The following SRF variants were observed in gnomAD, a reference collection of about 807,000 sequenced individuals.
The protein encoded by SRF is serum response factor, also known as c-fos serum response element-binding transcription factor.
A neutral mutation model predicts 37.1 loss-of-function variants in SRF; 7 were observed. That is an observed-to-expected ratio of 0.19 (90% CI 0.11 to 0.35). The LOEUF is 0.35. SRF is among the 10% of genes least tolerant of loss of function. The probability of loss-of-function intolerance (pLI) is 1.00; values close to 1 mark genes in which losing one functional copy is unlikely to be tolerated. For synonymous variants in SRF, 285 were observed against 310.1 expected, an observed-to-expected ratio of 0.92 and a Z score of 0.85; for missense variants, 395 against 694.4, an observed-to-expected ratio of 0.57 and a Z score of 4.85.
Position 43,179,162 on chromosome 6 carries a change from A to C in SRF, c.1499A>C (p.Asp500Ala). ...NLTELQVVNL[D>A]TAHSTKSE ...ACCGAGCTACAGGTGGTGAACCTGG[A>C]CACCGCCCACAGCACCAAGAGTGAA... The change falls in exon 7 of 7, where the codon GAC becomes GCC. Residue 500 changes from aspartate to alanine, a missense_variant. This residue lies in a region of SRF where 232 missense variants were observed against 335.6 expected (regional missense o/e 0.69). Transcript: ENST00000265354. The surrounding 1 kb of genome is among the most constrained non-coding windows in gnomAD (Gnocchi z 5.3). 1 of 1,614,238 alleles carries C rather than the reference A, an allele frequency of 6.2e-7. No homozygotes were observed. Among genetic ancestry groups the C allele is most frequent in the Non-Finnish European group, 8.5e-7 (1 of 1,180,034 alleles).
intron 2 of SRF, among the ~76,000 whole-genome samples, chr6:43,174,903 A>G (rs1398594069): frequency 3.3e-5 from 5 of 152,162 alleles, no homozygotes. Context: ...TTCCCCTTCT[A>G]AGAACGAAGT....
chr6:43,176,561 C>T lies in SRF; in HGVS notation c.1056C>T (p.Ala352=), dbSNP rs1414466135. Residue 352 remains alanine, a synonymous_variant, in exon 4 of 7, where the codon GCC becomes GCT. Transcript: ENST00000265354. The surrounding 1 kb of genome is among the most constrained non-coding windows in gnomAD (Gnocchi z 4.0). ...SFTLMPGGAV[A]QQVPVQAIQV... ...TGTGTCTTGCAGGTGGGGCAGTGGC[C>T]CAGCAGGTCCCAGTGCAGGCCATTC... 6.2e-7 allele frequency: 1 copy of T among 1,614,076 alleles called. No homozygotes were observed. The highest frequency in any genetic ancestry group is 8.5e-7 in the Non-Finnish European group (1 of 1,179,992).
chr6:43,178,209 C>T lies in SRF; in HGVS notation c.1163-85C>T. 1 of 1,392,686 alleles carries T rather than the reference C, an allele frequency of 7.2e-7. No homozygotes were observed. Among genetic ancestry groups the T allele is most frequent in the Non-Finnish European group, 9.6e-7 (1 of 1,039,978 alleles). The allele number at this position is 1,392,686 out of a possible 1,614,324, so 86.3% of individuals were successfully genotyped here. A position where few individuals can be genotyped will look rare whatever the true frequency, so the allele number is the denominator to read the frequency against. Reference sequence around the variant, plus strand: ...TCTGACCTGGGAAATGGCAAGAGGGCTCTGGGGGCCTGGAATTCCTAGGGA... The same window carrying T: ...TCTGACCTGGGAAATGGCAAGAGGGTTCTGGGGGCCTGGAATTCCTAGGGA... On this transcript the variant is annotated intron_variant, in intron 4 of 6. Coordinates refer to ENST00000265354, the MANE Select transcript of SRF (RefSeq NM_003131.4). The surrounding 1 kb of genome is among the most constrained non-coding windows in gnomAD (Gnocchi z 4.3).
Position 43,176,661 on chromosome 6 carries a change from G to A in SRF, c.1156G>A (p.Gly386Arg), listed in dbSNP as rs778140208. Reference sequence around the variant, plus strand: ...AGACCTCACGCAGACCTCCTCCAGCGGGACAGGTATAGCTCGCAGCCCTGT... The same window carrying A: ...AGACCTCACGCAGACCTCCTCCAGCAGGACAGGTATAGCTCGCAGCCCTGT... ...STDLTQTSSS[G>R]TVTLPATIMT... Residue 386 changes from glycine to arginine, a missense_variant, in exon 4 of 7, where the codon GGG becomes AGG. Around this residue, in one of 4 missense-constraint regions of SRF, gnomAD observed 232 missense variants for 335.6 expected, o/e 0.69. Transcript: ENST00000265354. The surrounding 1 kb of genome is among the most constrained non-coding windows in gnomAD (Gnocchi z 4.0). The A allele has an allele frequency of 6.8e-6, 11 of 1,614,024 alleles. No individual in the cohort carries two copies. The highest frequency in any genetic ancestry group is 4.5e-5 in the East Asian group (2 of 44,874).
chr6:43,172,133 G>T lies in SRF; in HGVS notation c.477G>T (p.Thr159=). 1.2e-6 allele frequency: 2 copies of T among 1,612,044 alleles called. No homozygotes were observed. The highest frequency in any genetic ancestry group is 1.7e-6 in the Non-Finnish European group (2 of 1,179,772). ...EFIDNKLRRY[T]TFSKRKTGIM... Reference sequence around the variant, plus strand: ...TCGACAACAAGCTGCGGCGCTACACGACCTTCAGCAAGAGGAAGACGGGCA... The same window carrying T: ...TCGACAACAAGCTGCGGCGCTACACTACCTTCAGCAAGAGGAAGACGGGCA... The change falls in exon 1 of 7, where the codon ACG becomes ACT. Residue 159 remains threonine (T), a synonymous_variant. Transcript: ENST00000265354. The surrounding 1 kb of genome is among the most constrained non-coding windows in gnomAD (Gnocchi z 5.7).
Position 43,173,782 on chromosome 6 carries a change from A to G in SRF, c.514-65A>G, listed in dbSNP as rs903011771. 5.1e-6 allele frequency: 8 copies of G among 1,561,552 alleles called. No homozygotes were observed. In the South Asian group the frequency reaches 7.2e-5, roughly 14 times the overall value. On this transcript the variant is annotated intron_variant, in intron 1 of 6. Coordinates refer to ENST00000265354, the MANE Select transcript of SRF (RefSeq NM_003131.4). This position sits in a 1 kb window ranked among gnomAD's most constrained non-coding sequence, Gnocchi z 4.2. ...GACATCACTGTATAATTCTTTTTCCAACTTCTCAAGGAAGGTAGAGATAAA... is the reference window on the plus strand; with the variant it reads ...GACATCACTGTATAATTCTTTTTCCGACTTCTCAAGGAAGGTAGAGATAAA...
Position 43,180,220 on chromosome 6 carries a change from G to T in SRF, c.*1030G>T, listed in dbSNP as rs1450284968. The T allele has an allele frequency of 6.7e-6, 1 of 150,094 alleles. No homozygotes were observed. Among genetic ancestry groups the T allele is most frequent in the East Asian group, 1.9e-4 (1 of 5,190 alleles). 9.3% of individuals were successfully genotyped at this position (150,094 alleles called of 1,614,324 possible). ...GCTCTGGGCCTCTTTTTGCCCTTTA[G>T]GGCTGTTGCTAGGGAGAGGGAAGAG... On this transcript the variant is annotated 3_prime_UTR_variant, in exon 7 of 7. Coordinates refer to ENST00000265354, the MANE Select transcript of SRF (RefSeq NM_003131.4).
At chr6:43,177,654 G>A (rs1378878774) in intron 4 of SRF, among the ~76,000 whole-genome samples, 3 of 151,300 alleles carry the variant, frequency 2.0e-5, no homozygotes, top group South Asian at 2.1e-4. Context: ...GGTGGCTCAC[G>A]TCTGTAATCC....
In SRF at chr6:43,175,896, A is replaced by T. The variant is rs1772188442; in HGVS notation, c.971A>T (p.Lys324Met). ...AVSSANGTVLKSTGSGPVSSG... is the reference protein window; with the variant it reads ...AVSSANGTVLMSTGSGPVSSG... ...AGCAGTGCCAATGGGACTGTGCTGAAGAGTACAGGCAGCGGCCCTGTCTCC... is the reference window on the plus strand; with the variant it reads ...AGCAGTGCCAATGGGACTGTGCTGATGAGTACAGGCAGCGGCCCTGTCTCC... The change falls in exon 3 of 7, where the codon AAG becomes ATG. Residue 324 changes from lysine to methionine, a missense_variant. This residue lies in a region of SRF where 232 missense variants were observed against 335.6 expected (regional missense o/e 0.69). Coordinates refer to ENST00000265354, the MANE Select transcript of SRF (RefSeq NM_003131.4). 1 of 1,614,028 alleles carries T rather than the reference A, an allele frequency of 6.2e-7. No homozygotes were observed. Among genetic ancestry groups the T allele is most frequent in the African/African-American group, 1.3e-5 (1 of 74,900 alleles).
chr6:43,176,118 C>A lies in SRF; in HGVS notation c.1042+151C>A. ...GAGCCTGAGCGAAGCCTCTTATATC[C>A]CGTTGGCAGGCATACCTCTGCCCAC... On this transcript the variant is annotated intron_variant, in intron 3 of 6. Coordinates refer to ENST00000265354, the MANE Select transcript of SRF (RefSeq NM_003131.4). The surrounding 1 kb of genome is among the most constrained non-coding windows in gnomAD (Gnocchi z 4.0). The A allele has an allele frequency of 1.8e-6, 2 of 1,140,880 alleles. No individual in the cohort carries two copies. Among genetic ancestry groups the A allele is most frequent in the African/African-American group, 1.6e-5 (1 of 64,300 alleles). 70.7% of individuals were successfully genotyped at this position (1,140,880 alleles called of 1,614,324 possible). A position where few individuals can be genotyped will look rare whatever the true frequency, so the allele number is the denominator to read the frequency against.
rs1364983717 is a variant in SRF at position 43,179,609 on chromosome 6, G to T, written c.*419G>T. On this transcript the variant is annotated 3_prime_UTR_variant, in exon 7 of 7. Coordinates refer to ENST00000265354, the MANE Select transcript of SRF (RefSeq NM_003131.4). This position sits in a 1 kb window ranked among gnomAD's most constrained non-coding sequence, Gnocchi z 5.3. The stretch of plus-strand genomic sequence containing the variant: ...TTGCCAGCCTCCTTGCTGACCCCAG[G>T]TCAGCCCTGTGTCTGTCACAGGCTG... 4.1e-6 allele frequency: 1 copy of T among 246,672 alleles called. No individual in the cohort carries two copies. The highest frequency in any genetic ancestry group is 8.1e-6 in the Non-Finnish European group (1 of 123,520). The allele number at this position is 246,672 out of a possible 1,614,324, so 15.3% of individuals were successfully genotyped here. A position where few individuals can be genotyped will look rare whatever the true frequency, so the allele number is the denominator to read the frequency against.
At chr6:43,175,592 TTG>T in intron 2 of SRF, 112 bp from the exon 3 acceptor site, 4 of 1,385,784 alleles carry the variant, frequency 2.9e-6, no homozygotes, top group Admixed American at 1.8e-5. Flanking sequence ...AATGGTGGCG[TTG>T]GGATTTGAAC....
rs1772200877 is a variant in SRF, at chr6:43,176,532, ACT to A, written c.1043-13_1043-12del. ...TTGGGTGGGACAGAGCACAAATAAG[ACT>A]CTGTGTCTTGCAGGTGGGGCAGTGG... On this transcript the variant is annotated splice_polypyrimidine_tract_variant and intron_variant, in intron 3 of 6. Coordinates refer to ENST00000265354, the MANE Select transcript of SRF (RefSeq NM_003131.4). The surrounding 1 kb of genome is among the most constrained non-coding windows in gnomAD (Gnocchi z 4.0). 3 of 1,613,208 alleles carry A rather than the reference ACT, an allele frequency of 1.9e-6. No individual in the cohort carries two copies. Among genetic ancestry groups the A allele is most frequent in the East Asian group, 2.2e-5 (1 of 44,846 alleles).
chr6:43,175,749 C>T lies in SRF; in HGVS notation c.824C>T (p.Thr275Ile), dbSNP rs780050786. 1 of 1,614,208 alleles carries T rather than the reference C, an allele frequency of 6.2e-7. No individual in the cohort carries two copies. Among genetic ancestry groups the T allele is most frequent in the Non-Finnish European group, 8.5e-7 (1 of 1,180,042 alleles). Residue 275 changes from threonine to isoleucine, a missense_variant, in exon 3 of 7, where the codon ACA becomes ATA. Physicochemically the swap from Thr to Ile is moderately conservative, Grantham distance 89. This residue lies in a region of SRF where 232 missense variants were observed against 335.6 expected (regional missense o/e 0.69). Coordinates refer to ENST00000265354, the MANE Select transcript of SRF (RefSeq NM_003131.4). ...TTCACAGTCACCAACCTGCCGGGTACAACCTCCACCATCCAAACAGCACCT... is the reference window on the plus strand; with the variant it reads ...TTCACAGTCACCAACCTGCCGGGTATAACCTCCACCATCCAAACAGCACCT... Reference protein sequence around the residue: ...PAFTVTNLPGTTSTIQTAPST... With the variant: ...PAFTVTNLPGITSTIQTAPST...
rs931681178 is a variant in SRF at position 43,173,258 on chromosome 6, G to A, written c.514-589G>A. ...CACTTGATCATCAGTGGAGAAGATT[G>A]TGGGGGGAGGTAATTAAGGAAAACT... On this transcript the variant is annotated intron_variant, in intron 1 of 6. Coordinates refer to ENST00000265354, the MANE Select transcript of SRF (RefSeq NM_003131.4). This position sits in a 1 kb window ranked among gnomAD's most constrained non-coding sequence, Gnocchi z 4.2. Among the ~76,000 whole-genome samples, 14 of 152,266 alleles carry A rather than the reference G, an allele frequency of 9.2e-5. No homozygotes were observed. The highest frequency in any genetic ancestry group is 6.2e-4 in the South Asian group (3 of 4,834).
intron 2 of SRF, among the ~76,000 whole-genome samples, chr6:43,174,932 A>G (rs1772170857): frequency 6.6e-6 from 1 of 152,232 alleles, no homozygotes; most frequent in Non-Finnish European, 1.5e-5. Flanking sequence ...GGGGAGAGTC[A>G]GTGCTGTAGG....
chr6:43,179,119 G>A lies in SRF; in HGVS notation c.1456G>A (p.Gly486Arg), dbSNP rs771583062. ...GATGGCTGTGATAGGGCAGCAGGCC[G>A]GGAGCAGCAGCAACCTCACCGAGCT... is the stretch of plus-strand genomic sequence containing the variant. The part of the protein sequence containing the change: ...HQMAVIGQQA[G>R]SSSNLTELQV... Residue 486 changes from glycine to arginine, a missense_variant, in exon 7 of 7, where the codon GGG (glycine) becomes AGG (arginine). Gly to Arg is a moderately radical substitution (Grantham distance 125). Transcript: ENST00000265354. This position sits in a 1 kb window ranked among gnomAD's most constrained non-coding sequence, Gnocchi z 5.3. 13 of 1,614,050 alleles carry A rather than the reference G, an allele frequency of 8.1e-6. No homozygotes were observed. Among genetic ancestry groups the A allele is most frequent in the South Asian group, 3.3e-5 (3 of 91,088 alleles).
At chr6:43,175,409 C>G (rs1355317364) in intron 2 of SRF, among the ~76,000 whole-genome samples, 2 of 152,166 alleles carry the variant, frequency 1.3e-5, no homozygotes, top group African/African-American at 2.4e-5. Context: ...ATAAGAGCAG[C>G]AAATATTTAT....
At position 43,176,203 on chromosome 6, in the gene SRF, A is replaced by AT. The variant is rs1011340929; in HGVS notation, c.1042+236_1042+237insT. Reference sequence around the variant, plus strand: ...CCATATATTCTGGCCCTGTCTAGCTACCCCAGCCCCGTGCCCTCATTGCCA... The same window carrying AT: ...CCATATATTCTGGCCCTGTCTAGCTATCCCCAGCCCCGTGCCCTCATTGCCA... On this transcript the variant is annotated intron_variant, in intron 3 of 6. Transcript: ENST00000265354. The surrounding 1 kb of genome is among the most constrained non-coding windows in gnomAD (Gnocchi z 4.0). Among the ~76,000 whole-genome samples, 7 of 151,892 alleles carry AT rather than the reference A, an allele frequency of 4.6e-5. No homozygotes were observed. Among genetic ancestry groups the AT allele is most frequent in the Admixed American group, 3.3e-4 (5 of 15,254 alleles).
Sources: allele counts gnomAD v4.1 joint callset (sites outside exome capture counted in the v4.1 genomes callset), GRCh38; gene constraint gnomAD v4.1.1; regional missense constraint gnomAD v4.1.1; non-coding constraint Gnocchi (gnomAD v3.1); transcripts MANE v1.5; gene names NCBI Gene and HGNC (gene_info 2026-07-23, HGNC 2026-07-21).